Variants in DENND1A observed in about 807,000 individuals in gnomAD.
DENND1A encodes the protein DENN domain containing 1A.
Under a neutral mutation model 113.7 loss-of-function variants are expected in DENND1A, and 51 were observed. That is an observed-to-expected ratio of 0.45 (90% CI 0.36 to 0.57). The LOEUF (loss-of-function observed/expected upper bound fraction) is 0.57, where lower values mean the gene tolerates loss of function less well. Ranked by LOEUF, DENND1A falls within the 20% of genes least tolerant of loss-of-function variation. The probability of loss-of-function intolerance (pLI) is 0.00; values close to 1 mark genes in which losing one functional copy is unlikely to be tolerated. For synonymous variants in DENND1A, 565 were observed against 570.8 expected, an observed-to-expected ratio of 0.99 and a Z score of 0.14; for missense variants, 1,258 against 1,395.9, an observed-to-expected ratio of 0.90 and a Z score of 1.57.
chr9:123,581,830 A>T (rs2058912962), intron 12 of DENND1A, among the ~76,000 whole-genome samples: 1 of 152,162 alleles, frequency 6.6e-6, no homozygotes, highest in Non-Finnish European at 1.5e-5. Flanking sequence ...AAGTCAGGAT[A>T]ACTCTATAGA....
intron 2 of DENND1A, among the ~76,000 whole-genome samples, chr9:123,827,391 TAATA>T (rs1028678143): frequency 3.4e-5 from 4 of 119,034 alleles, no homozygotes; most frequent in Middle Eastern, 3.8e-3. Context: ...AATGGATATA[TAATA>T]TATATATATA....
chr9:123,644,091 T>C (rs2062171190), intron 9 of DENND1A, among the ~76,000 whole-genome samples: 1 of 151,976 alleles, frequency 6.6e-6, no homozygotes, highest in Non-Finnish European at 1.5e-5. Context: ...ACAAGGCACA[T>C]CAACTTTCGG....
chr9:123,674,467 A>T (rs535592513), intron 6 of DENND1A, among the ~76,000 whole-genome samples: 4 of 152,188 alleles, frequency 2.6e-5, no homozygotes, highest in African/African-American at 9.6e-5. Flanking sequence ...CTGGGGCAGG[A>T]GGTAGATTCT....
At chr9:123,504,569 T>C (rs1234004447) in intron 13 of DENND1A, among the ~76,000 whole-genome samples, 1 of 152,256 alleles carries the variant, frequency 6.6e-6, no homozygotes, top group East Asian at 1.9e-4. Context: ...AGCATCTGAC[T>C]ACAAATTCTT....
chr9:123,924,969 C>T (rs1480334073), intron 1 of DENND1A, among the ~76,000 whole-genome samples: 1 of 152,206 alleles, frequency 6.6e-6, no homozygotes, highest in Non-Finnish European at 1.5e-5. Flanking sequence ...GTCATCTCCA[C>T]AGTGAGGCCT....
intron 13 of DENND1A, among the ~76,000 whole-genome samples, chr9:123,518,159 G>A (rs1052981485): frequency 2.0e-5 from 3 of 152,092 alleles, no homozygotes; most frequent in African/African-American, 7.2e-5. Flanking sequence ...TGGCACAAAG[G>A]ACCTTATAAG....
At chr9:123,644,383 A>AC (rs1221728310) in intron 9 of DENND1A, among the ~76,000 whole-genome samples, 60 of 150,042 alleles carry the variant, frequency 4.0e-4, no homozygotes, top group Non-Finnish European at 7.7e-4. Flanking sequence ...AGCTACAAAA[A>AC]AAAAAAAAAA....
At chr9:123,570,318 AG>A (rs1345997044) in intron 12 of DENND1A, among the ~76,000 whole-genome samples, 1 of 152,236 alleles carries the variant, frequency 6.6e-6, no homozygotes, top group Non-Finnish European at 1.5e-5. Context: ...CAAAGCTGTC[AG>A]TAAAAAGTAT....
In DENND1A at chr9:123,389,818, G is replaced by A. The variant is rs891640824; in HGVS notation, c.1632-1960C>T. ...CTCTCCTGAGCAGGTGAGGGGCAGA[G>A]GGTGCGCAGGCCGTGGGCTTCTGCT... is the stretch of plus-strand genomic sequence containing the variant. On this transcript the variant is annotated intron_variant, in intron 21 of 23. Transcript: ENST00000394215. Among the ~76,000 whole-genome samples the A allele has an allele frequency of 5.9e-5, 9 of 152,224 alleles. No homozygotes were observed. In the East Asian group the frequency reaches 1.3e-3, roughly 23 times the overall value.
At chr9:123,514,477 AG>A (rs2053730197) in intron 13 of DENND1A, among the ~76,000 whole-genome samples, 1 of 152,056 alleles carries the variant, frequency 6.6e-6, no homozygotes, top group African/African-American at 2.4e-5. Flanking sequence ...AAGTAGACAG[AG>A]GAGGCCTAAC....
At chr9:123,679,096 G>C (rs908636070) in intron 5 of DENND1A, among the ~76,000 whole-genome samples, 4 of 152,170 alleles carry the variant, frequency 2.6e-5, no homozygotes, top group African/African-American at 9.7e-5. Context: ...AGGAGGCAGG[G>C]GGGAAAAGGC....
At chr9:123,699,688 CTTTTTTT>C (rs34215948) in intron 5 of DENND1A, among the ~76,000 whole-genome samples, 132 of 112,408 alleles carry the variant, frequency 1.2e-3, no homozygotes, top group South Asian at 1.5e-3. Flanking sequence ...TTCTTTCTTT[CTTTTTTT>C]TTTTTTTTTT....
intron 13 of DENND1A, among the ~76,000 whole-genome samples, chr9:123,479,551 G>C (rs2050171690): frequency 6.6e-6 from 1 of 152,212 alleles, no homozygotes; most frequent in African/African-American, 2.4e-5. Context: ...GACCTGTGAG[G>C]TCTGAAGTGA....
chr9:123,538,834 A>ATG (rs1244329579), intron 13 of DENND1A, among the ~76,000 whole-genome samples: 1 of 120,104 alleles, frequency 8.3e-6, no homozygotes, highest in Non-Finnish European at 1.8e-5. Context: ...ATATATATAT[A>ATG]TATATATATA....
intron 19 of DENND1A, among the ~76,000 whole-genome samples, chr9:123,412,431 T>G (rs1333314003): frequency 6.6e-6 from 1 of 152,184 alleles, no homozygotes; most frequent in Non-Finnish European, 1.5e-5. Context: ...TATGTGGGAC[T>G]CAGCGTGGGA....
chr9:123,833,613 G>A (rs150162250), intron 2 of DENND1A, among the ~76,000 whole-genome samples: 11 of 152,272 alleles, frequency 7.2e-5, no homozygotes, highest in Non-Finnish European at 1.3e-4. Context: ...AGTCCTGAAT[G>A]TGCCTCCATG....
intron 23 of DENND1A, 151 bp downstream of exon 23, chr9:123,383,504 T>G: frequency 8.0e-7 from 1 of 1,246,188 alleles, no homozygotes; most frequent in Admixed American, 2.3e-5. Flanking sequence ...CCCTGGGAGG[T>G]GTTTACAGTC....
At position 123,676,732 on chromosome 9, in the gene DENND1A, C is replaced by T. The variant is rs768998974; in HGVS notation, c.360G>A (p.Thr120=). 1.2e-5 allele frequency: 20 copies of T among 1,613,478 alleles called. No individual in the cohort carries two copies. Among genetic ancestry groups the T allele is most frequent in the Admixed American group, 3.3e-5 (2 of 59,978 alleles). Residue 120 remains threonine (T), a synonymous_variant, in exon 6 of 24, where the codon ACG becomes ACA. Transcript: ENST00000394215. The stretch of plus-strand genomic sequence containing the variant: ...AAAAGGTAAATACCTGTCTTTTTGT[C>T]GTGTAATCTGCCAGGATGTTAAGCA... ...YKLLNILADY[T]TKRQENQWNE... is the part of the protein sequence containing the mutation.
chr9:123,740,899 T>TGAGAGAGTGAGAGAGAGAGAGA (rs2068953709), intron 5 of DENND1A, among the ~76,000 whole-genome samples: 6 of 108,940 alleles, frequency 5.5e-5, no homozygotes, highest in African/African-American at 1.9e-4. Flanking sequence ...GAAGGGAAAG[T>TGAGAGAGTGAGAGAGAGAGAGA]GAGAGAGAGA....
Sources: allele counts gnomAD v4.1 joint callset (sites outside exome capture counted in the v4.1 genomes callset), GRCh38; gene constraint gnomAD v4.1.1; transcripts MANE v1.5; gene names NCBI Gene and HGNC (gene_info 2026-07-23, HGNC 2026-07-21).